SYT11: variants seen among roughly 807,000 people sequenced by gnomAD.
SYT11 encodes synaptotagmin 11, also known as synaptotagmin-11.
SYT11 carries 12 observed loss-of-function variants against 30.4 expected under a neutral mutation model. The ratio of observed to expected loss-of-function variants is 0.39; its 90% confidence interval spans 0.25 to 0.64. SYT11 has a LOEUF of 0.64. Ranked by LOEUF, SYT11 falls within the 30% of genes least tolerant of loss-of-function variation. The pLI is 0.45. For synonymous variants in SYT11, 204 were observed against 216.0 expected (o/e 0.94, Z 0.49); for missense variants, 412 against 552.0 (o/e 0.75, Z 2.54).
intron 2 of SYT11, among the ~76,000 whole-genome samples, chr1:155,872,605 G>A (rs2102561049): frequency 6.6e-6 from 1 of 152,212 alleles, no homozygotes; most frequent in East Asian, 1.9e-4. Context: ...TTGTCCTTCT[G>A]CTTGCCTGCC....
chr1:155,874,560 ACTCCAGCC>A (rs1672830828), intron 2 of SYT11, among the ~76,000 whole-genome samples: 1 of 142,320 alleles, frequency 7.0e-6, no homozygotes. Context: ...ACACCACTGC[ACTCCAGCC>A]TGGGCAAGAG....
rs564663031 is a variant in SYT11 at position 155,878,918 on chromosome 1, A to T, written c.862-1582A>T. On this transcript the variant is annotated intron_variant, in intron 2 of 3. Transcript: ENST00000368324. Reference sequence around the variant, plus strand: ...AAATAAATTAATTAATTAATTAATTAAAAAAGCCTCCCCTGAATCTCCCAG... The same window carrying T: ...AAATAAATTAATTAATTAATTAATTTAAAAAGCCTCCCCTGAATCTCCCAG... Among the ~76,000 whole-genome samples the T allele has an allele frequency of 9.9e-5, 15 of 151,968 alleles. No individual in the cohort carries two copies. In the East Asian group the frequency reaches 1.5e-3, roughly 16 times the overall value.
At chr1:155,878,810 T>TGAGC (rs1672912169) in intron 2 of SYT11, among the ~76,000 whole-genome samples, 1 of 151,792 alleles carries the variant, frequency 6.6e-6, no homozygotes, top group Non-Finnish European at 1.5e-5. Context: ...GAGGTTGCAG[T>TGAGC]GAGCCGAGGT....
chr1:155,871,237 T>C (rs1220941914), intron 2 of SYT11, among the ~76,000 whole-genome samples: 2 of 152,178 alleles, frequency 1.3e-5, no homozygotes. Context: ...AGCAGTGGCC[T>C]GTTTCATCCC....
At chr1:155,865,380 C>A (rs1672653461) in intron 1 of SYT11, among the ~76,000 whole-genome samples, 1 of 152,072 alleles carries the variant, frequency 6.6e-6, no homozygotes, top group Middle Eastern at 3.2e-3. Flanking sequence ...GTAATCCCAG[C>A]ACTTTGGGAG....
intron 1 of SYT11, among the ~76,000 whole-genome samples, chr1:155,861,326 T>A (rs568442640): frequency 5.3e-5 from 8 of 152,356 alleles, no homozygotes; most frequent in African/African-American, 1.9e-4. Flanking sequence ...TTCTTCCTGT[T>A]CTTTTTCTTC....
chr1:155,872,127 A>G (rs1672789746), intron 2 of SYT11, among the ~76,000 whole-genome samples: 1 of 152,216 alleles, frequency 6.6e-6, no homozygotes, highest in Non-Finnish European at 1.5e-5. Context: ...GGCCAGGCAC[A>G]GTGGCTCACC....
chr1:155,871,156 C>G (rs1174764621), intron 2 of SYT11, among the ~76,000 whole-genome samples: 1 of 152,138 alleles, frequency 6.6e-6, no homozygotes, highest in Non-Finnish European at 1.5e-5. Flanking sequence ...AATGAGACAT[C>G]CCAGAGTCCA....
rs773748492 is a variant in SYT11, at chr1:155,881,217, C to T, written c.1005C>T (p.Asn335=). Residue 335 remains asparagine (N), a synonymous_variant, in exon 4 of 4, where the codon AAC becomes AAT. Coordinates refer to ENST00000368324, the MANE Select transcript of SYT11 (RefSeq NM_152280.5). ...GLSGNPYVKV[N]VYYGRKRIAK... ...CCCCAGATCCTTATGTCAAGGTGAA[C>T]GTCTACTACGGCAGAAAGCGCATTG... 40 of 1,613,368 alleles carry T rather than the reference C, an allele frequency of 2.5e-5. No homozygotes were observed. Among genetic ancestry groups the T allele is most frequent in the Admixed American group, 2.3e-4 (14 of 59,912 alleles).
At chr1:155,872,292 T>TA (rs2102560816) in intron 2 of SYT11, among the ~76,000 whole-genome samples, 1 of 152,224 alleles carries the variant, frequency 6.6e-6, no homozygotes, top group East Asian at 1.9e-4. Context: ...TGTTAAGGTT[T>TA]TGTTTTCCCA....
chr1:155,867,247 C>T (rs192970843), intron 1 of SYT11, among the ~76,000 whole-genome samples: 12 of 152,034 alleles, frequency 7.9e-5, no homozygotes, highest in Admixed American at 2.6e-4. Flanking sequence ...TTAGTAGAGA[C>T]GGGGTTTCAC....
chr1:155,864,646 T>C (rs1672640187), intron 1 of SYT11, among the ~76,000 whole-genome samples: 1 of 152,184 alleles, frequency 6.6e-6, no homozygotes, highest in African/African-American at 2.4e-5. Context: ...TATAAATAGG[T>C]TTTTGAGTCC....
At chr1:155,881,111 C>A (rs937234204) in intron 3 of SYT11, 87 bp from the exon 4 acceptor site, 15 of 1,402,620 alleles carry the variant, frequency 1.1e-5, no homozygotes, top group Middle Eastern at 1.8e-4. Context: ...CAGAGCCCCC[C>A]CTTTCCCAAC....
rs186669819 is a variant in SYT11, at chr1:155,866,155, C to T, written c.35-1810C>T. 5.4e-5 allele frequency among the ~76,000 whole-genome samples: 8 copies of T among 149,454 alleles called. No individual in the cohort carries two copies. The East Asian group carries it at 1.6e-3, about 29-fold the overall frequency. On this transcript the variant is annotated intron_variant, in intron 1 of 3. Transcript: ENST00000368324. Reference sequence around the variant, plus strand: ...TGAGATGGGGTCTCGGTCTTTTGCCCAGGCTGGAGTGCAGTGGCACGATCT... The same window carrying T: ...TGAGATGGGGTCTCGGTCTTTTGCCTAGGCTGGAGTGCAGTGGCACGATCT...
rs1321638891 is a variant in SYT11, at chr1:155,883,759, T to G, written c.*2251T>G. 1 of 151,498 alleles carries G rather than the reference T, an allele frequency of 6.6e-6. No homozygotes were observed. Among genetic ancestry groups the G allele is most frequent in the East Asian group, 1.9e-4 (1 of 5,184 alleles). 9.4% of individuals were successfully genotyped at this position (151,498 alleles called of 1,614,324 possible). The stretch of plus-strand genomic sequence containing the variant: ...AGCTGAGTCTCTATGGACGGGGGGG[T>G]GATCTTGCTTTCAGTGTTCCCTCAG... On this transcript the variant is annotated 3_prime_UTR_variant, in exon 4 of 4. Coordinates refer to ENST00000368324, the MANE Select transcript of SYT11 (RefSeq NM_152280.5).
intron 2 of SYT11, among the ~76,000 whole-genome samples, chr1:155,874,632 T>C (rs1041235858): frequency 6.7e-6 from 1 of 149,828 alleles, no homozygotes; most frequent in African/African-American, 2.4e-5. Context: ...GGCTGACGCC[T>C]GTAATCCCAG....
chr1:155,881,151 G>C, intron 3 of SYT11, 47 bp from the exon 4 acceptor site: 1 of 1,566,396 alleles, frequency 6.4e-7, no homozygotes, highest in Non-Finnish European at 8.7e-7. Flanking sequence ...GGAGAGGACT[G>C]TGTCATAGGT....
At chr1:155,872,210 C>G (rs1302014804) in intron 2 of SYT11, among the ~76,000 whole-genome samples, 1 of 152,198 alleles carries the variant, frequency 6.6e-6, no homozygotes, top group Non-Finnish European at 1.5e-5. Context: ...GCTATTACCA[C>G]AAACTGCACT....
chr1:155,867,856 G>C, intron 1 of SYT11, 109 bp from the exon 2 acceptor site: 1 of 855,042 alleles, frequency 1.2e-6, no homozygotes, highest in East Asian at 2.6e-5. Flanking sequence ...TTTTGCTTTA[G>C]AGGCTAGATT....
Sources: allele counts gnomAD v4.1 joint callset (sites outside exome capture counted in the v4.1 genomes callset), GRCh38; gene constraint gnomAD v4.1.1; transcripts MANE v1.5; gene names NCBI Gene and HGNC (gene_info 2026-07-23, HGNC 2026-07-21).